The following IL7 variants were observed in gnomAD, a reference collection of about 807,000 sequenced individuals.
IL7 encodes interleukin 7.
IL7 carries 3 observed loss-of-function variants against 21.6 expected under a neutral mutation model. That is an observed-to-expected ratio of 0.14 (90% CI 0.06 to 0.36). IL7 has a LOEUF of 0.36. Among genes scored for constraint, IL7 ranks in the 10% least tolerant of loss-of-function variants. The pLI is 1.00. For synonymous variants in IL7, 62 were observed against 68.1 expected, an observed-to-expected ratio of 0.91 and a Z score of 0.44; for missense variants, 175 against 200.2, an observed-to-expected ratio of 0.87 and a Z score of 0.76.
chr8:78,739,966 A>G, intron 3 of IL7, 36 bp downstream of exon 3: 1 of 1,482,426 alleles, frequency 6.7e-7, no homozygotes. Flanking sequence ...CTATAAAATC[A>G]AGCTTGAATG....
intron 3 of IL7, among the ~76,000 whole-genome samples, chr8:78,721,888 C>T (rs1288241832): frequency 6.6e-6 from 1 of 151,574 alleles, no homozygotes; most frequent in Non-Finnish European, 1.5e-5. Context: ...ATTAATAGTA[C>T]TATATAGTGA....
At chr8:78,719,789 C>A (rs1811204493) in intron 5 of IL7, 1 of 151,744 alleles carries the variant, frequency 6.6e-6, no homozygotes, top group Non-Finnish European at 1.5e-5. Flanking sequence ...TCACTGATGT[C>A]TTTTAGCCAT....
intron 3 of IL7, among the ~76,000 whole-genome samples, chr8:78,712,850 G>C (rs1452236793): frequency 6.6e-6 from 1 of 152,078 alleles, no homozygotes; most frequent in Non-Finnish European, 1.5e-5. Flanking sequence ...GAGTAACTTA[G>C]TTAACTTTTA....
At chr8:78,773,732 C>T (rs143382791) in intron 2 of IL7, among the ~76,000 whole-genome samples, 88 of 152,104 alleles carry the variant, frequency 5.8e-4, no homozygotes, top group South Asian at 1.7e-3. Flanking sequence ...TGGTTTGTGG[C>T]GATTAGTACA....
chr8:78,804,292 AC>A (rs1814213636), intron 1 of IL7, among the ~76,000 whole-genome samples: 1 of 152,066 alleles, frequency 6.6e-6, no homozygotes, highest in African/African-American at 2.4e-5. Context: ...AAAAACAAAA[AC>A]AAAAAAACCC....
At chr8:78,781,175 G>A (rs957480465) in intron 2 of IL7, among the ~76,000 whole-genome samples, 8 of 152,064 alleles carry the variant, frequency 5.3e-5, no homozygotes, top group South Asian at 2.1e-4. Flanking sequence ...TATCCAGCTT[G>A]CCACTCTGTG....
chr8:78,759,271 T>A (rs1220573128), intron 2 of IL7, among the ~76,000 whole-genome samples: 1 of 151,138 alleles, frequency 6.6e-6, no homozygotes, highest in African/African-American at 2.4e-5. Context: ...TGAAATAAAC[T>A]ATACAAAATT....
rs1813753065 is a variant in IL7 at position 78,793,278 on chromosome 8, T to A, written c.147+4794A>T. Among the ~76,000 whole-genome samples, 5 of 152,076 alleles carry A rather than the reference T, an allele frequency of 3.3e-5. No individual in the cohort carries two copies. The South Asian group carries it at 1.0e-3, about 31-fold the overall frequency. On this transcript the variant is annotated intron_variant, in intron 2 of 5. Transcript: ENST00000263851. ...GAGTTACTGCTAATGGGTAGAATAT[T>A]TCTTTTGGCAATGATGAAAATATTC...
intron 2 of IL7, among the ~76,000 whole-genome samples, chr8:78,795,019 G>T (rs1184719241): frequency 6.6e-6 from 1 of 152,006 alleles, no homozygotes; most frequent in African/African-American, 2.4e-5. Context: ...AGGAGAGTGG[G>T]GTAGAGAGCA....
intron 3 of IL7, among the ~76,000 whole-genome samples, chr8:78,698,842 GC>G (rs1397122936): frequency 6.6e-6 from 1 of 152,136 alleles, no homozygotes; most frequent in African/African-American, 2.4e-5. Context: ...CAGGCACTGT[GC>G]TAGACATTTT....
At chr8:78,775,617 G>A (rs1375284299) in intron 2 of IL7, among the ~76,000 whole-genome samples, 1 of 152,156 alleles carries the variant, frequency 6.6e-6, no homozygotes, top group African/African-American at 2.4e-5. Flanking sequence ...AAGGGGCAAA[G>A]TGGGGACTCT....
At chr8:78,720,499 T>G (rs982324758) in intron 5 of IL7, among the ~76,000 whole-genome samples, 1 of 151,908 alleles carries the variant, frequency 6.6e-6, no homozygotes, top group Non-Finnish European at 1.5e-5. Context: ...GAATTGCTTT[T>G]TAGCCACTAG....
intron 2 of IL7, among the ~76,000 whole-genome samples, chr8:78,777,127 A>T (rs1165925587): frequency 6.6e-6 from 1 of 152,104 alleles, no homozygotes; most frequent in Non-Finnish European, 1.5e-5. Flanking sequence ...TCTAGTTGAG[A>T]TTCACCTCTA....
downstream of IL7, chr8:78,715,387 C>G: frequency 6.9e-7 from 1 of 1,450,578 alleles, no homozygotes. Flanking sequence ...GATAGTTTTC[C>G]AAGGACCATA....
chr8:78,675,513 C>A (rs1022459822), downstream of IL7, among the ~76,000 whole-genome samples: 28 of 151,880 alleles, frequency 1.8e-4, no homozygotes, highest in African/African-American at 6.8e-4. Context: ...AATTGATTTG[C>A]TTAAAATAAT....
At chr8:78,686,990 C>G (rs1810001287) in intron 3 of IL7, among the ~76,000 whole-genome samples, 1 of 151,958 alleles carries the variant, frequency 6.6e-6, no homozygotes, top group South Asian at 2.1e-4. Flanking sequence ...ATCTTCTCAT[C>G]TGAGATTGAT....
chr8:78,797,518 C>T (rs190317827), intron 2 of IL7, among the ~76,000 whole-genome samples: 11 of 151,760 alleles, frequency 7.2e-5, no homozygotes, highest in Non-Finnish European at 1.5e-4. Context: ...ACTTTCTGCT[C>T]GAATTTTCTA....
At chr8:78,766,465 T>G (rs1457897959) in intron 2 of IL7, among the ~76,000 whole-genome samples, 4 of 152,126 alleles carry the variant, frequency 2.6e-5, no homozygotes, top group African/African-American at 9.6e-5. Context: ...ATCCTATGCC[T>G]ATGCGTGTTA....
chr8:78,678,595 A>G (rs1163760275), intron 4 of IL7: 2 of 1,612,184 alleles, frequency 1.2e-6, no homozygotes, highest in East Asian at 4.5e-5. Context: ...AGAAGACTGC[A>G]ACTAAAAAAC....
Sources: gnomAD v4.1 joint callset for allele counts (sites outside exome capture counted in the v4.1 genomes callset) on GRCh38, gnomAD v4.1.1 for gene constraint, MANE v1.5 for transcripts, NCBI Gene and HGNC (gene_info 2026-07-23, HGNC 2026-07-21) for gene names.